TNFRSF11A: variants seen among roughly 807,000 people sequenced by gnomAD.
TNFRSF11A encodes TNF receptor superfamily member 11a.
Under a neutral mutation model 55.7 loss-of-function variants are expected in TNFRSF11A, and 32 were observed. That is an observed-to-expected ratio of 0.57 (90% CI 0.43 to 0.77). The LOEUF (loss-of-function observed/expected upper bound fraction) is 0.77. Among genes scored for constraint, TNFRSF11A ranks in the 30% least tolerant of loss-of-function variants. The pLI is 0.00. For synonymous variants in TNFRSF11A, 311 were observed against 331.0 expected (o/e 0.94, Z 0.65); for missense variants, 753 against 809.8 (o/e 0.93, Z 0.85).
intron 4 of TNFRSF11A, chr18:62,357,789 G>C (rs1311086340): frequency 8.4e-6 from 2 of 238,910 alleles, no homozygotes; most frequent in African/African-American, 4.4e-5. Context: ...CTTCAAAGCA[G>C]TAATGTGTCT....
chr18:62,361,609 G>A lies in TNFRSF11A; in HGVS notation c.617-71G>A, dbSNP rs76477458. The A allele has an allele frequency of 3.0e-3, 4,183 of 1,411,668 alleles. 99 individuals carry two copies. In the African/African-American group the frequency reaches 0.053, roughly 18 times the overall value. 87.4% of individuals were successfully genotyped at this position (1,411,668 alleles called of 1,614,324 possible). A position where few individuals can be genotyped will look rare whatever the true frequency, so the allele number is the denominator to read the frequency against. On this transcript the variant is annotated intron_variant, in intron 6 of 9. Transcript: ENST00000586569. The stretch of plus-strand genomic sequence containing the variant: ...TTTTGATTCTGAGGTTTGATTTACC[G>A]GGATTTGTTTTTCAACTGCGTAAAA...
chr18:62,336,009 G>C (rs982660382), intron 1 of TNFRSF11A, among the ~76,000 whole-genome samples: 1 of 152,222 alleles, frequency 6.6e-6, no homozygotes, highest in African/African-American at 2.4e-5. Flanking sequence ...TCCAAGCACA[G>C]TGCCTGGCAC....
chr18:62,352,285 C>A (rs996205440), intron 3 of TNFRSF11A, among the ~76,000 whole-genome samples: 1 of 152,222 alleles, frequency 6.6e-6, no homozygotes, highest in Non-Finnish European at 1.5e-5. Flanking sequence ...TGACCTCAGT[C>A]TGGACTCTAG....
chr18:62,358,334 T>C lies in TNFRSF11A; in HGVS notation c.514T>C (p.Trp172Arg). Residue 172 changes from tryptophan to arginine, a missense_variant, in exon 5 of 10, where the codon TGG becomes CGG. Trp to Arg is a moderately radical substitution (Grantham distance 101, BLOSUM62 -3). This residue lies in a region of TNFRSF11A where 567 missense variants were observed against 596.7 expected (regional missense o/e 0.95). Transcript: ENST00000586569. ...TTCCTCCACGGACAAATGCAGACCC[T>C]GGACCAAGTAAGTAACAACAAAGGA... ...AFSSTDKCRP[W>R]TNCTFLGKRV... 3 of 1,600,550 alleles carry C rather than the reference T, an allele frequency of 1.9e-6. No individual in the cohort carries two copies. The highest frequency in any genetic ancestry group is 8.5e-7 in the Non-Finnish European group (1 of 1,172,078).
intron 3 of TNFRSF11A, among the ~76,000 whole-genome samples, chr18:62,350,844 G>A (rs79303205): frequency 6.6e-5 from 10 of 151,784 alleles, no homozygotes; most frequent in African/African-American, 2.4e-4. Context: ...AGAAACAGAG[G>A]TTCCTTTCTC....
intron 9 of TNFRSF11A, 64 bp downstream of exon 9, chr18:62,369,548 G>A (rs1454651385): frequency 6.3e-7 from 1 of 1,584,592 alleles, no homozygotes; most frequent in African/African-American, 1.3e-5. Flanking sequence ...AGGGTTTGGG[G>A]GCAGGTATTA....
intron 9 of TNFRSF11A, among the ~76,000 whole-genome samples, chr18:62,376,614 G>A (rs1450237920): frequency 6.6e-6 from 1 of 152,052 alleles, no homozygotes; most frequent in African/African-American, 2.4e-5. Flanking sequence ...TGACACATTG[G>A]GGTCCACTCT....
At chr18:62,338,690 A>G (rs1055561195) in intron 1 of TNFRSF11A, among the ~76,000 whole-genome samples, 9 of 152,150 alleles carry the variant, frequency 5.9e-5, no homozygotes, top group African/African-American at 2.2e-4. Flanking sequence ...TTACTAGTTA[A>G]CGGTTACAGA....
At chr18:62,326,770 C>A (rs967282655) in intron 1 of TNFRSF11A, among the ~76,000 whole-genome samples, 1 of 152,170 alleles carries the variant, frequency 6.6e-6, no homozygotes, top group African/African-American at 2.4e-5. Context: ...CCTTTAAGCC[C>A]CTTTCATTAT....
At chr18:62,343,953 T>G (rs1008972371) in intron 1 of TNFRSF11A, among the ~76,000 whole-genome samples, 2 of 152,014 alleles carry the variant, frequency 1.3e-5, no homozygotes, top group Non-Finnish European at 2.9e-5. Context: ...AGAACTATAC[T>G]CTATCAATCC....
rs1911935753 is a variant in TNFRSF11A, at chr18:62,390,029, A to T, written c.*4995A>T. On this transcript the variant is annotated 3_prime_UTR_variant, in exon 10 of 10. Transcript: ENST00000586569. ...TGAGATGAGAGACAACCAAGCACTC[A>T]CTGGCAGTTCCTAGAAGATTCCAGT... 6.6e-6 allele frequency: 1 copy of T among 152,244 alleles called. No homozygotes were observed. The highest frequency in any genetic ancestry group is 2.4e-5 in the African/African-American group (1 of 41,454). The allele number at this position is 152,244 out of a possible 1,614,324, so 9.4% of individuals were successfully genotyped here. A position where few individuals can be genotyped will look rare whatever the true frequency, so the allele number is the denominator to read the frequency against.
chr18:62,369,304 TC>T lies in TNFRSF11A; in HGVS notation c.1391del (p.Pro464GlnfsTer62). On this transcript the variant is annotated frameshift_variant, in exon 9 of 10. Transcript: ENST00000586569. LOFTEE classifies it high-confidence loss of function. Reference sequence around the variant, plus strand: ...GGAGGACTGTGAACCCCTCGTGGGTTCCCCAAAACGTGGACCCTTGCCCCAG... The same window carrying T: ...GGAGGACTGTGAACCCCTCGTGGGTTCCCAAAACGTGGACCCTTGCCCCAG... Reference protein sequence around the residue: ...PGEDCEPLVGSPKRGPLPQCA... With the variant: ...PGEDCEPLVGXPKRGPLPQCA... The T allele has an allele frequency of 1.9e-6, 3 of 1,611,106 alleles. No homozygotes were observed. The highest frequency in any genetic ancestry group is 2.5e-6 in the Non-Finnish European group (3 of 1,178,608).
In TNFRSF11A at chr18:62,325,958, C is replaced by T. The variant is rs572592327; in HGVS notation, c.75+531C>T. On this transcript the variant is annotated intron_variant, in intron 1 of 9. Coordinates refer to ENST00000586569, the MANE Select transcript of TNFRSF11A (RefSeq NM_003839.4). The surrounding 1 kb of genome is among the most constrained non-coding windows in gnomAD (Gnocchi z 4.7). ...ACACCCCTGCCAGCTCGCCTGGAGG[C>T]CCCGCACGGCGGGGAGAGACTGCGC... is the stretch of plus-strand genomic sequence containing the variant. 3.2e-4 allele frequency among the ~76,000 whole-genome samples: 49 copies of T among 152,328 alleles called. No homozygotes were observed. Among genetic ancestry groups the T allele is most frequent in the African/African-American group, 1.2e-3 (48 of 41,586 alleles).
chr18:62,328,247 G>T (rs1023247635), intron 1 of TNFRSF11A, among the ~76,000 whole-genome samples: 3 of 152,024 alleles, frequency 2.0e-5, no homozygotes, highest in Non-Finnish European at 4.4e-5. Flanking sequence ...AGGGAGGACC[G>T]CTGGAGGAAT....
intron 9 of TNFRSF11A, among the ~76,000 whole-genome samples, chr18:62,370,348 C>T (rs1003985523): frequency 1.6e-4 from 25 of 152,158 alleles, no homozygotes; most frequent in African/African-American, 4.8e-4. Flanking sequence ...TCCAGAAAAA[C>T]GAATATATGG....
At chr18:62,362,747 C>A (rs1170429510) in intron 7 of TNFRSF11A, among the ~76,000 whole-genome samples, 4 of 151,956 alleles carry the variant, frequency 2.6e-5, no homozygotes, top group Non-Finnish European at 5.9e-5. Context: ...TAAATCTTTC[C>A]TTTAATATTC....
In TNFRSF11A at chr18:62,360,023, C is replaced by T; in HGVS notation, c.590C>T (p.Ser197Phe). The T allele has an allele frequency of 6.2e-7, 1 of 1,614,022 alleles. No homozygotes were observed. The highest frequency in any genetic ancestry group is 8.5e-7 in the Non-Finnish European group (1 of 1,179,882). The change falls in exon 6 of 10, where the codon TCT becomes TTT. Residue 197 changes from serine to phenylalanine, a missense_variant. Ser to Phe is a radical substitution (Grantham distance 155, BLOSUM62 -2). This residue lies in a region of TNFRSF11A where 567 missense variants were observed against 596.7 expected (regional missense o/e 0.95). Coordinates refer to ENST00000586569, the MANE Select transcript of TNFRSF11A (RefSeq NM_003839.4). Reference sequence around the variant, plus strand: ...AAATCCGATGCGGTTTGCAGTTCTTCTCTGCCAGCTAGAAAACCACCAAAT... The same window carrying T: ...AAATCCGATGCGGTTTGCAGTTCTTTTCTGCCAGCTAGAAAACCACCAAAT... ...TEKSDAVCSS[S>F]LPARKPPNEP...
chr18:62,340,475 G>T (rs114921485), intron 1 of TNFRSF11A, among the ~76,000 whole-genome samples: 2,477 of 150,690 alleles, frequency 0.016, 61 homozygotes, highest in African/African-American at 0.057. Flanking sequence ...GGTTACAGGC[G>T]TGAGTCACTG....
At chr18:62,334,427 C>T (rs1381994544) in intron 1 of TNFRSF11A, among the ~76,000 whole-genome samples, 1 of 152,152 alleles carries the variant, frequency 6.6e-6, no homozygotes, top group Non-Finnish European at 1.5e-5. Context: ...GGTCGCATCT[C>T]TCCACGCGTG....
Sources: gnomAD v4.1 joint callset for allele counts (sites outside exome capture counted in the v4.1 genomes callset) on GRCh38, gnomAD v4.1.1 for gene constraint, gnomAD v4.1.1 regional missense constraint, Gnocchi (gnomAD v3.1) non-coding constraint, MANE v1.5 for transcripts, NCBI Gene and HGNC (gene_info 2026-07-23, HGNC 2026-07-21) for gene names.